Variants in PODXL observed in about 807,000 individuals in gnomAD.
The protein encoded by PODXL is podocalyxin.
PODXL carries 20 observed loss-of-function variants against 48.9 expected under a neutral mutation model. That is an observed-to-expected ratio of 0.41 (90% CI 0.29 to 0.59). The LOEUF is 0.59. Ranked by LOEUF, PODXL falls within the 20% of genes least tolerant of loss-of-function variation. The pLI, the probability that PODXL is intolerant of heterozygous loss-of-function variation, is 0.31. For synonymous variants in PODXL, 295 were observed against 287.4 expected, an observed-to-expected ratio of 1.03 and a Z score of -0.27; for missense variants, 606 against 675.1, an observed-to-expected ratio of 0.90 and a Z score of 1.13.
intron 1 of PODXL, among the ~76,000 whole-genome samples, chr7:131,550,184 C>T (rs985956677): frequency 1.3e-5 from 2 of 152,200 alleles, no homozygotes; most frequent in Non-Finnish European, 2.9e-5. Context: ...TGGCAAACAC[C>T]GACATATTTA....
chr7:131,507,219 A>G (rs1476147634), intron 5 of PODXL, among the ~76,000 whole-genome samples: 1 of 151,954 alleles, frequency 6.6e-6, no homozygotes, highest in East Asian at 1.9e-4. Context: ...AAGGGTCTCT[A>G]CCCCCAAAGC....
At chr7:131,514,326 A>G (rs534766811) in intron 1 of PODXL, among the ~76,000 whole-genome samples, 2 of 152,286 alleles carry the variant, frequency 1.3e-5, no homozygotes, top group African/African-American at 4.8e-5. Context: ...AGGCAGGAGA[A>G]TAGCTTGAAC....
Position 131,504,250 on chromosome 7 carries a change from G to T in PODXL, c.*61C>A. On this transcript the variant is annotated 3_prime_UTR_variant, in exon 9 of 9. Transcript: ENST00000378555. ...CAGTCTTTCCCTTCCCCATCCAAAC[G>T]GCACTTGGGGTGGTTGGTCTGGAGC... 7.1e-7 allele frequency: 1 copy of T among 1,408,732 alleles called. No homozygotes were observed. Among genetic ancestry groups the T allele is most frequent in the Non-Finnish European group, 1.0e-6 (1 of 1,002,384 alleles). The allele number at this position is 1,408,732 out of a possible 1,614,324, so 87.3% of individuals were successfully genotyped here.
intron 1 of PODXL, among the ~76,000 whole-genome samples, chr7:131,541,310 A>G (rs1798477326): frequency 6.7e-6 from 1 of 148,276 alleles, no homozygotes; most frequent in African/African-American, 2.5e-5. Context: ...GGTTTTTGAC[A>G]GTGGAGCCTG....
At chr7:131,505,168 C>T (rs1033902745) in intron 8 of PODXL, among the ~76,000 whole-genome samples, 4 of 152,130 alleles carry the variant, frequency 2.6e-5, no homozygotes, top group East Asian at 1.9e-4. Flanking sequence ...ACCATCATGG[C>T]GAGAATTCTA....
intron 1 of PODXL, among the ~76,000 whole-genome samples, chr7:131,554,804 G>A (rs1798718705): frequency 6.6e-6 from 1 of 152,098 alleles, no homozygotes; most frequent in Non-Finnish European, 1.5e-5. Flanking sequence ...CCAACAAAAG[G>A]TTCGTATGAA....
intron 1 of PODXL, among the ~76,000 whole-genome samples, chr7:131,511,735 C>A (rs890122397): frequency 6.6e-6 from 1 of 152,116 alleles, no homozygotes; most frequent in Non-Finnish European, 1.5e-5. Context: ...GGATTACAGG[C>A]GTGAGCCACC....
chr7:131,507,495 C>T (rs568040199), intron 5 of PODXL, among the ~76,000 whole-genome samples: 6 of 152,272 alleles, frequency 3.9e-5, no homozygotes, highest in Non-Finnish European at 7.4e-5. Context: ...GCTTCTCTGA[C>T]CTGATTCTGG....
chr7:131,504,541 G>A (rs567009691), intron 8 of PODXL, 33 bp from the exon 9 acceptor site: 1 of 1,580,272 alleles, frequency 6.3e-7, no homozygotes, highest in South Asian at 1.1e-5. Context: ...TGAGAAGGGG[G>A]TTTCAGAGGG....
chr7:131,546,176 T>C (rs1674569410), intron 1 of PODXL, among the ~76,000 whole-genome samples: 1 of 152,188 alleles, frequency 6.6e-6, no homozygotes, highest in Non-Finnish European at 1.5e-5. Context: ...CCTGGCTCGA[T>C]GGCATCAAGA....
chr7:131,550,418 G>C (rs1455944030), intron 1 of PODXL, among the ~76,000 whole-genome samples: 1 of 152,144 alleles, frequency 6.6e-6, no homozygotes, highest in Non-Finnish European at 1.5e-5. Context: ...GCACTGGGAG[G>C]CTGAGGTGGG....
intron 1 of PODXL, among the ~76,000 whole-genome samples, chr7:131,530,243 G>C (rs986656272): frequency 1.3e-5 from 2 of 151,462 alleles, no homozygotes; most frequent in African/African-American, 4.9e-5. Context: ...AGCTGGGCAG[G>C]ACAGCGAGGC....
chr7:131,507,771 G>A (rs1199413779), intron 5 of PODXL, among the ~76,000 whole-genome samples: 1 of 152,162 alleles, frequency 6.6e-6, no homozygotes, highest in Non-Finnish European at 1.5e-5. Flanking sequence ...TGTCCCCAGA[G>A]CCCATATCAT....
intron 5 of PODXL, 148 bp from the exon 6 acceptor site, chr7:131,506,874 G>C: frequency 1.3e-6 from 1 of 772,118 alleles, no homozygotes; most frequent in South Asian, 1.7e-5. Context: ...CTCCACGCAG[G>C]CCTGCCAGGA....
chr7:131,533,862 C>A (rs753052180), intron 1 of PODXL, among the ~76,000 whole-genome samples: 1 of 152,174 alleles, frequency 6.6e-6, no homozygotes, highest in Admixed American at 6.5e-5. Context: ...GCAAGAGTCT[C>A]GACTTAACAT....
Position 131,556,624 on chromosome 7 carries a change from C to A in PODXL, c.-265G>T, listed in dbSNP as rs1370550133. ...GGGCGGCGTCTGCGCGGCTGCGGCCCCACTGGCGGCTGCGGCTACTCCTGG... is the reference window on the plus strand; with the variant it reads ...GGGCGGCGTCTGCGCGGCTGCGGCCACACTGGCGGCTGCGGCTACTCCTGG... On this transcript the variant is annotated 5_prime_UTR_variant, in exon 1 of 9. Coordinates refer to ENST00000378555, the MANE Select transcript of PODXL (RefSeq NM_001018111.3). 4.3e-6 allele frequency: 1 copy of A among 232,408 alleles called. No individual in the cohort carries two copies. The highest frequency in any genetic ancestry group is 8.1e-6 in the Non-Finnish European group (1 of 123,124). The allele number at this position is 232,408 out of a possible 1,614,324, so 14.4% of individuals were successfully genotyped here.
intron 5 of PODXL, 129 bp downstream of exon 5, chr7:131,508,822 A>T: frequency 1.3e-6 from 1 of 742,562 alleles, no homozygotes; most frequent in Non-Finnish European, 2.4e-6. Flanking sequence ...GGAAGAAATG[A>T]GGGCCGGAAA....
chr7:131,521,240 A>G (rs990659230), intron 1 of PODXL, among the ~76,000 whole-genome samples: 2 of 152,192 alleles, frequency 1.3e-5, no homozygotes, highest in Non-Finnish European at 2.9e-5. Flanking sequence ...TGACCCTGAA[A>G]AGTGGAGACA....
intron 1 of PODXL, among the ~76,000 whole-genome samples, chr7:131,548,509 G>C (rs1798618698): frequency 6.6e-6 from 1 of 152,212 alleles, no homozygotes; most frequent in Non-Finnish European, 1.5e-5. Flanking sequence ...CTCTAAAGAG[G>C]AGCCACATGC....
Sources: gnomAD v4.1 joint callset for allele counts (sites outside exome capture counted in the v4.1 genomes callset) on GRCh38, gnomAD v4.1.1 for gene constraint, MANE v1.5 for transcripts, NCBI Gene and HGNC (gene_info 2026-07-23, HGNC 2026-07-21) for gene names.